Variants in CHRNA6 observed in about 807,000 individuals in gnomAD.
CHRNA6 encodes cholinergic receptor nicotinic alpha 6 subunit.
Under a neutral mutation model 40.9 loss-of-function variants are expected in CHRNA6, and 31 were observed. That is an observed-to-expected ratio of 0.76 (90% CI 0.57 to 1.02). CHRNA6 has a LOEUF of 1.02. Ranked by LOEUF, CHRNA6 falls within the 50% of genes least tolerant of loss-of-function variation. The pLI is 0.00. For missense variants in CHRNA6, 546 were observed against 596.6 expected, an observed-to-expected ratio of 0.92 and a Z score of 0.88; for synonymous variants, 222 against 221.3, an observed-to-expected ratio of 1.00 and a Z score of -0.03.
At chr8:42,753,544 T>C (rs1009681000) in intron 5 of CHRNA6, among the ~76,000 whole-genome samples, 4 of 152,096 alleles carry the variant, frequency 2.6e-5, no homozygotes, top group African/African-American at 9.7e-5. Context: ...AATGGTGGCA[T>C]GTGCCTGTAG....
chr8:42,767,700 C>T (rs1439869753), intron 1 of CHRNA6, among the ~76,000 whole-genome samples: 2 of 152,152 alleles, frequency 1.3e-5, no homozygotes, highest in Non-Finnish European at 2.9e-5. Context: ...TCATGATGAA[C>T]ATATTTCTCC....
intron 5 of CHRNA6, among the ~76,000 whole-genome samples, chr8:42,754,226 C>T (rs1432135498): frequency 3.3e-5 from 5 of 152,140 alleles, no homozygotes; most frequent in Non-Finnish European, 7.3e-5. Flanking sequence ...GTTGCCCAGG[C>T]TGAAGTGCAG....
chr8:42,766,934 G>A (rs539964896), intron 1 of CHRNA6, among the ~76,000 whole-genome samples: 2 of 152,224 alleles, frequency 1.3e-5, no homozygotes, highest in African/African-American at 4.8e-5. Context: ...AGATTTCTGA[G>A]AATGCAAGAT....
chr8:42,768,119 G>T (rs185835670), intron 1 of CHRNA6, among the ~76,000 whole-genome samples: 7 of 152,252 alleles, frequency 4.6e-5, no homozygotes, highest in Non-Finnish European at 8.8e-5. Flanking sequence ...TTTTAATTGG[G>T]TTTGCACTAT....
chr8:42,755,269 A>ATGTTTGTTTGTT (rs111982947), intron 5 of CHRNA6, among the ~76,000 whole-genome samples: 56 of 148,374 alleles, frequency 3.8e-4, no homozygotes, highest in African/African-American at 8.3e-4. Flanking sequence ...GTTGCCCTGA[A>ATGTTTGTTTGTT]TGTTTGTTTG....
At chr8:42,754,849 T>A (rs995422919) in intron 5 of CHRNA6, among the ~76,000 whole-genome samples, 3 of 152,094 alleles carry the variant, frequency 2.0e-5, no homozygotes, top group African/African-American at 7.2e-5. Context: ...TCCCTGGGGC[T>A]CATTTCACCA....
In CHRNA6 at chr8:42,756,080, G is replaced by C; in HGVS notation, c.1119C>G (p.Gly373=). 6.2e-7 allele frequency: 1 copy of C among 1,614,226 alleles called. No individual in the cohort carries two copies. Reference sequence around the variant, plus strand: ...TGCCTTTGGCAGGCCTCCTGGCAAGGCCTCTGGGCACTGCATCAGAGCCTG... The same window carrying C: ...TGCCTTTGGCAGGCCTCCTGGCAAGCCCTCTGGGCACTGCATCAGAGCCTG... ...RGTGSDAVPR[G]LARRPAKGKL... Residue 373 remains glycine (G), a synonymous_variant, in exon 5 of 6, where the codon GGC becomes GGG. Transcript: ENST00000276410.
At chr8:42,759,576 C>T (rs905314446) in intron 2 of CHRNA6, among the ~76,000 whole-genome samples, 8 of 152,020 alleles carry the variant, frequency 5.3e-5, no homozygotes, top group South Asian at 2.1e-4. Context: ...GTCCTGAGAC[C>T]CCTGCCCTGG....
rs142781966 is a variant in CHRNA6 at position 42,765,074 on chromosome 8, C to A, written c.210G>T (p.Leu70=). The change falls in exon 2 of 6, where the codon CTG becomes CTT. Residue 70 remains leucine (L), a synonymous_variant. Transcript: ENST00000276410. The stretch of plus-strand genomic sequence containing the variant: ...ATCAGAGGGCACTCACCACGTTGGC[C>A]AGCTGGGTGATGGCCACTTCAAAGT... ...TVHFEVAITQ[L]ANVDEVNQIM... is the part of the protein sequence containing the mutation. 99 of 1,613,948 alleles carry A rather than the reference C, an allele frequency of 6.1e-5. No homozygotes were observed. In the African/African-American group the frequency reaches 1.2e-3, roughly 20 times the overall value.
At chr8:42,764,184 G>A (rs1310222548) in intron 2 of CHRNA6, among the ~76,000 whole-genome samples, 2 of 152,106 alleles carry the variant, frequency 1.3e-5, no homozygotes, top group Admixed American at 6.6e-5. Flanking sequence ...ATGGGGGGGC[G>A]CAAAGATTAT....
intron 5 of CHRNA6, among the ~76,000 whole-genome samples, chr8:42,755,105 AC>A (rs1816775099): frequency 6.9e-6 from 1 of 145,160 alleles, no homozygotes; most frequent in African/African-American, 2.6e-5. Flanking sequence ...TGTAGCCTCA[AC>A]CTCCTGGGCT....
chr8:42,762,827 T>C (rs1391800379), intron 2 of CHRNA6, among the ~76,000 whole-genome samples: 1 of 152,178 alleles, frequency 6.6e-6, no homozygotes, highest in Non-Finnish European at 1.5e-5. Context: ...ACGTATAACA[T>C]CGTTGAAATG....
intron 3 of CHRNA6, among the ~76,000 whole-genome samples, chr8:42,757,728 GT>G (rs1816828115): frequency 1.1e-5 from 1 of 87,690 alleles, no homozygotes; most frequent in African/African-American, 6.3e-5. Flanking sequence ...CCGGGACTCT[GT>G]CTCAAAAAAA....
At chr8:42,759,293 G>A (rs1178007445) in intron 2 of CHRNA6, 180 bp from the exon 3 acceptor site, 4 of 581,694 alleles carry the variant, frequency 6.9e-6, no homozygotes, top group Non-Finnish European at 1.2e-5. Context: ...TTCACATCTG[G>A]CTCCAGCCCT....
rs1357224275 is a variant in CHRNA6, at chr8:42,768,575, C to T, written c.-145G>A. On this transcript the variant is annotated 5_prime_UTR_variant, in exon 1 of 6. Transcript: ENST00000276410. The stretch of plus-strand genomic sequence containing the variant: ...GTCTTCTCAGAAATCAAAACATCCC[C>T]GGGACTTCACACGGTTATTACCAGG... The T allele has an allele frequency of 1.5e-5, 9 of 600,240 alleles. No homozygotes were observed. Among genetic ancestry groups the T allele is most frequent in the African/African-American group, 5.5e-5 (3 of 54,190 alleles). 37.2% of individuals were successfully genotyped at this position (600,240 alleles called of 1,614,324 possible).
chr8:42,755,161 G>T (rs1313819858), intron 5 of CHRNA6, among the ~76,000 whole-genome samples: 1 of 148,430 alleles, frequency 6.7e-6, no homozygotes, highest in Non-Finnish European at 1.5e-5. Context: ...TGGGACTACA[G>T]GTATGCACCA....
chr8:42,766,521 A>AGAAAGAAAG (rs1563627476), intron 1 of CHRNA6, among the ~76,000 whole-genome samples: 16 of 151,900 alleles, frequency 1.1e-4, no homozygotes, highest in Non-Finnish European at 2.1e-4. Flanking sequence ...AAAGAAAGAA[A>AGAAAGAAAG]ATGTGGTATA....
intron 2 of CHRNA6, among the ~76,000 whole-genome samples, chr8:42,762,963 T>A (rs1455222724): frequency 6.6e-6 from 1 of 152,330 alleles, no homozygotes; most frequent in East Asian, 1.9e-4. Flanking sequence ...AATTCAATTT[T>A]AAAAACCTGC....
rs745799927 is a variant in CHRNA6 at position 42,756,211 on chromosome 8, G to A, written c.988C>T (p.Arg330Cys). 9.3e-6 allele frequency: 15 copies of A among 1,614,074 alleles called. No homozygotes were observed. Among genetic ancestry groups the A allele is most frequent in the South Asian group, 5.5e-5 (5 of 91,086 alleles). Reference protein sequence around the residue: ...VTVFVLNIHYRTPTTHTMPRW... With the variant: ...VTVFVLNIHYCTPTTHTMPRW... ...GGCATTGTGTGCGTGGTTGGGGTGC[G>A]GTAGTGTATGTTCAACACAAACACA... is the stretch of plus-strand genomic sequence containing the variant. Residue 330 changes from arginine to cysteine, a missense_variant, in exon 5 of 6, where the codon CGC becomes TGC. Arg to Cys is a radical substitution (Grantham distance 180). Transcript: ENST00000276410.
Sources: allele counts gnomAD v4.1 joint callset (sites outside exome capture counted in the v4.1 genomes callset), GRCh38; gene constraint gnomAD v4.1.1; transcripts MANE v1.5; gene names NCBI Gene and HGNC (gene_info 2026-07-23, HGNC 2026-07-21).